Variants in WDR37 observed in about 807,000 individuals in gnomAD.
WDR37 encodes WD repeat domain 37.
A neutral mutation model predicts 62.9 loss-of-function variants in WDR37; 19 were observed. That is an observed-to-expected ratio of 0.30 (90% confidence interval 0.21 to 0.44). WDR37 has a LOEUF of 0.44. Ranked by LOEUF, WDR37 falls within the 20% of genes least tolerant of loss-of-function variation. The pLI, the probability that WDR37 is intolerant of heterozygous loss-of-function variation, is 1.00. For missense variants in WDR37, 474 were observed against 657.6 expected, an observed-to-expected ratio of 0.72 and a Z score of 3.05; for synonymous variants, 250 against 260.9, an observed-to-expected ratio of 0.96 and a Z score of 0.40.
chr10:1,113,084 CT>C (rs1835264284), intron 11 of WDR37, among the ~76,000 whole-genome samples: 1 of 151,888 alleles, frequency 6.6e-6, no homozygotes, highest in East Asian at 1.9e-4. Context: ...GAAGGACAGA[CT>C]GATGCTCTTG....
chr10:1,062,987 G>A (rs1438961559), intron 1 of WDR37, among the ~76,000 whole-genome samples: 1 of 151,962 alleles, frequency 6.6e-6, no homozygotes, highest in East Asian at 1.9e-4. Context: ...TTGGGAGGCT[G>A]AGGTAGGAGA....
chr10:1,131,441 GC>G lies in WDR37; in HGVS notation c.*2099del, dbSNP rs1835944360. 6.6e-6 allele frequency: 1 copy of G among 152,252 alleles called. No homozygotes were observed. Among genetic ancestry groups the G allele is most frequent in the African/African-American group, 2.4e-5 (1 of 41,458 alleles). 9.4% of individuals were successfully genotyped at this position (152,252 alleles called of 1,614,324 possible). ...CTTTTAAAAGTCAATATTCCTAGTG[GC>G]CACTGAGTTCCAGGCACACTGGTGC... On this transcript the variant is annotated 3_prime_UTR_variant, in exon 14 of 14. Coordinates refer to ENST00000263150, the MANE Select transcript of WDR37 (RefSeq NM_014023.4).
intron 1 of WDR37, among the ~76,000 whole-genome samples, 191 bp downstream of exon 1, chr10:1,057,159 G>T (rs1467991745): frequency 6.6e-6 from 1 of 151,944 alleles, no homozygotes; most frequent in Non-Finnish European, 1.5e-5. Flanking sequence ...TGGAGGACCC[G>T]TGGCGGTGCA....
chr10:1,092,375 CT>C (rs1195449002), intron 7 of WDR37, among the ~76,000 whole-genome samples: 1 of 149,858 alleles, frequency 6.7e-6, no homozygotes, highest in Admixed American at 6.6e-5. Context: ...AAAAGACCCT[CT>C]TTTTTTTTGA....
chr10:1,060,318 G>A (rs1354874114), intron 1 of WDR37, among the ~76,000 whole-genome samples: 1 of 152,220 alleles, frequency 6.6e-6, no homozygotes, highest in African/African-American at 2.4e-5. Flanking sequence ...TACGTACACG[G>A]CAACATATAC....
intron 13 of WDR37, among the ~76,000 whole-genome samples, chr10:1,126,472 C>T (rs1589128296): frequency 1.3e-5 from 2 of 151,920 alleles, no homozygotes; most frequent in African/African-American, 2.4e-5. Context: ...GTAATGGAGG[C>T]CCCCCCAGAG....
rs767231855 is a variant in WDR37, at chr10:1,080,042, T to G, written c.267T>G (p.Arg89=). The change falls in exon 4 of 14, where the codon CGT becomes CGG. Residue 89 remains arginine (R), a synonymous_variant. Transcript: ENST00000263150. ...GAGAAATCGACACTCTTAATGAACG[T>G]TTAGCTGCTGAAGGACAAGCGATTG... ...LRREIDTLNE[R]LAAEGQAIDG... is the part of the protein sequence containing the mutation. 1 of 1,614,108 alleles carries G rather than the reference T, an allele frequency of 6.2e-7. No homozygotes were observed. The highest frequency in any genetic ancestry group is 1.1e-5 in the South Asian group (1 of 91,088).
intron 13 of WDR37, among the ~76,000 whole-genome samples, chr10:1,126,367 C>T (rs1006909771): frequency 3.3e-5 from 5 of 149,760 alleles, no homozygotes; most frequent in South Asian, 4.2e-4. Context: ...GATCGCGCCA[C>T]TGCACTCCAG....
intron 9 of WDR37, 185 bp downstream of exon 9, chr10:1,096,431 G>C: frequency 1.6e-6 from 1 of 626,524 alleles, no homozygotes; most frequent in Non-Finnish European, 2.9e-6. Context: ...GTTCAGTGAG[G>C]TTGCGTGAGG....
At chr10:1,063,117 AAAG>A (rs1481971915) in intron 1 of WDR37, among the ~76,000 whole-genome samples, 3 of 152,090 alleles carry the variant, frequency 2.0e-5, no homozygotes, top group Non-Finnish European at 2.9e-5. Context: ...AAGATGGAGA[AAAG>A]AAGGTAGACT....
chr10:1,108,746 C>CG (rs1835107884), intron 11 of WDR37, among the ~76,000 whole-genome samples: 1 of 139,738 alleles, frequency 7.2e-6, no homozygotes, highest in African/African-American at 2.8e-5. Flanking sequence ...GATGCCCCCC[C>CG]CCCCCGTGGA....
chr10:1,060,321 A>G (rs1169421977), intron 1 of WDR37, among the ~76,000 whole-genome samples: 2 of 152,256 alleles, frequency 1.3e-5, no homozygotes, highest in South Asian at 2.1e-4. Flanking sequence ...GTACACGGCA[A>G]CATATACTAA....
rs1359558825 is a variant in WDR37 at position 1,129,425 on chromosome 10, AT to A, written c.*86del. 1.3e-6 allele frequency: 2 copies of A among 1,574,810 alleles called. No individual in the cohort carries two copies. Among genetic ancestry groups the A allele is most frequent in the Admixed American group, 3.5e-5 (2 of 57,176 alleles). On this transcript the variant is annotated 3_prime_UTR_variant, in exon 14 of 14. Coordinates refer to ENST00000263150, the MANE Select transcript of WDR37 (RefSeq NM_014023.4). ...AGGCTTTTCTGCGTATTAATCAGCCATTTTTGTGAGAGTTTGACCCTGGAAA... is the reference window on the plus strand; with the variant it reads ...AGGCTTTTCTGCGTATTAATCAGCCATTTTGTGAGAGTTTGACCCTGGAAA...
intron 2 of WDR37, among the ~76,000 whole-genome samples, chr10:1,077,276 C>T (rs947972668): frequency 1.3e-5 from 2 of 152,136 alleles, no homozygotes; most frequent in East Asian, 3.8e-4. Flanking sequence ...CTTCGCCTTC[C>T]CAGGGGTGCG....
chr10:1,115,902 C>T (rs1445119277), intron 11 of WDR37, among the ~76,000 whole-genome samples: 1 of 152,112 alleles, frequency 6.6e-6, no homozygotes, highest in East Asian at 1.9e-4. Context: ...GGCTGTGGGG[C>T]CTTGGAAGCA....
rs576764391 is a variant in WDR37 at position 1,061,555 on chromosome 10, G to A, written c.-41+4587G>A. 2.0e-5 allele frequency among the ~76,000 whole-genome samples: 3 copies of A among 152,288 alleles called. No homozygotes were observed. In the East Asian group the frequency reaches 5.8e-4, roughly 29 times the overall value. ...CTAGGGCAAAATAAAATTACCTTCAGGAGGCCTGCTGTGGTGGCTCAGGCC... is the reference window on the plus strand; with the variant it reads ...CTAGGGCAAAATAAAATTACCTTCAAGAGGCCTGCTGTGGTGGCTCAGGCC... On this transcript the variant is annotated intron_variant, in intron 1 of 13. Coordinates refer to ENST00000263150, the MANE Select transcript of WDR37 (RefSeq NM_014023.4).
intron 7 of WDR37, among the ~76,000 whole-genome samples, chr10:1,087,843 G>A (rs905788665): frequency 6.6e-6 from 1 of 152,208 alleles, no homozygotes; most frequent in African/African-American, 2.4e-5. Context: ...AGGCATGGAT[G>A]TCTCCTTTCT....
chr10:1,127,077 T>C (rs1344373133), intron 13 of WDR37, among the ~76,000 whole-genome samples: 2 of 152,258 alleles, frequency 1.3e-5, no homozygotes, highest in East Asian at 3.8e-4. Context: ...CTCTTTTCAA[T>C]GTGCCCATGC....
chr10:1,086,465 G>A (rs1834203994), intron 7 of WDR37, 108 bp downstream of exon 7: 1 of 840,030 alleles, frequency 1.2e-6, no homozygotes, highest in East Asian at 2.7e-5. Flanking sequence ...AAGCCTTACT[G>A]TTTCGGTTGT....
Sources: allele counts gnomAD v4.1 joint callset (sites outside exome capture counted in the v4.1 genomes callset), GRCh38; gene constraint gnomAD v4.1.1; transcripts MANE v1.5; gene names NCBI Gene and HGNC (gene_info 2026-07-23, HGNC 2026-07-21).